Variants in TIAM2 observed in about 807,000 individuals in gnomAD.
TIAM2 encodes rho guanine nucleotide exchange factor TIAM2.
Under a neutral mutation model 152.9 loss-of-function variants are expected in TIAM2, and 80 were observed. The observed-to-expected ratio is 0.52, with a 90% CI of 0.44 to 0.63. The LOEUF (loss-of-function observed/expected upper bound fraction) is 0.63, where lower values mean the gene tolerates loss of function less well. Ranked by LOEUF, TIAM2 falls within the 30% of genes least tolerant of loss-of-function variation. The pLI, the probability that TIAM2 is intolerant of heterozygous loss-of-function variation, is 0.00. For missense variants in TIAM2, 1,965 were observed against 2,120.1 expected (o/e 0.93, Z 1.44); for synonymous variants, 804 against 838.0 (o/e 0.96, Z 0.70).
intron 9 of TIAM2, among the ~76,000 whole-genome samples, chr6:155,172,961 G>A (rs767619667): frequency 6.6e-5 from 10 of 151,820 alleles, no homozygotes; most frequent in Non-Finnish European, 8.8e-5. Flanking sequence ...TAAAGCATGT[G>A]TATTTTCAAC....
At chr6:155,008,985 T>C (rs912331797) in intron 1 of TIAM2, among the ~76,000 whole-genome samples, 1 of 152,070 alleles carries the variant, frequency 6.6e-6, no homozygotes, top group African/African-American at 2.4e-5. Flanking sequence ...ACATTAGGTA[T>C]TGTTCCAGAA....
At chr6:155,205,463 G>A (rs1285501058) in intron 14 of TIAM2, among the ~76,000 whole-genome samples, 1 of 152,128 alleles carries the variant, frequency 6.6e-6, no homozygotes, top group Non-Finnish European at 1.5e-5. Flanking sequence ...GGAAAGGCAG[G>A]GGAACTCTTC....
intron 13 of TIAM2, 151 bp downstream of exon 13, chr6:155,182,469 C>T (rs1414901300): frequency 1.8e-5 from 12 of 681,992 alleles, no homozygotes; most frequent in African/African-American, 1.5e-4. Context: ...ATTGGAAATG[C>T]GACCAAACAC....
At position 155,056,167 on chromosome 6, in the gene TIAM2, C is replaced by CTTTT. The variant is rs763205169; in HGVS notation, c.-208-34103_-208-34100dup. On this transcript the variant is annotated intron_variant, in intron 1 of 26. Transcript: ENST00000682666. ...TCTAATGGATCTCCTTATTGTTCTT[C>CTTTT]TTTTTTTTTTTTTTTTTTTTTTGAG... Among the ~76,000 whole-genome samples, 869 of 98,636 alleles carry CTTTT rather than the reference C, an allele frequency of 8.8e-3. 7 individuals are homozygous for CTTTT. Among genetic ancestry groups the CTTTT allele is most frequent in the African/African-American group, 0.028 (614 of 21,828 alleles). The allele number at this position is 98,636 out of a possible 152,430, so 64.7% of individuals were successfully genotyped here.
At chr6:155,124,860 C>CTT (rs752886695) in intron 2 of TIAM2, among the ~76,000 whole-genome samples, 52 of 141,478 alleles carry the variant, frequency 3.7e-4, no homozygotes, top group South Asian at 1.1e-3. Context: ...ATCTATTTGA[C>CTT]TTTTTTTTTT....
At chr6:155,160,556 C>T (rs188532892) in intron 7 of TIAM2, among the ~76,000 whole-genome samples, 174 of 152,246 alleles carry the variant, frequency 1.1e-3, no homozygotes, top group Non-Finnish European at 9.0e-4. Flanking sequence ...GCTTTGAACT[C>T]AGGAGTTTGA....
In TIAM2 at chr6:155,134,268, T is replaced by C. The variant is rs1276316037; in HGVS notation, c.1195-2909T>C. Among the ~76,000 whole-genome samples, 12 of 152,188 alleles carry C rather than the reference T, an allele frequency of 7.9e-5. No individual in the cohort carries two copies. The East Asian group carries it at 2.1e-3, about 27-fold the overall frequency. On this transcript the variant is annotated intron_variant, in intron 4 of 26. Transcript: ENST00000682666. ...ATTCTATATTTTTTAAAGGCTCTTTTTTATTAGCCTGAAAATTAGTGACTG... is the reference window on the plus strand; with the variant it reads ...ATTCTATATTTTTTAAAGGCTCTTTCTTATTAGCCTGAAAATTAGTGACTG...
chr6:155,081,733 T>G (rs767837145), intron 1 of TIAM2, among the ~76,000 whole-genome samples: 1 of 152,202 alleles, frequency 6.6e-6, no homozygotes, highest in Non-Finnish European at 1.5e-5. Context: ...TTGAGGAATT[T>G]GTTTGGTGCT....
chr6:155,058,612 TCAAA>T (rs1409022981), intron 1 of TIAM2, among the ~76,000 whole-genome samples: 8 of 152,194 alleles, frequency 5.3e-5, no homozygotes, highest in Admixed American at 1.3e-4. Context: ...CATTAAATCC[TCAAA>T]CAACTCTTTA....
chr6:155,144,940 A>AC (rs751671730), intron 6 of TIAM2, among the ~76,000 whole-genome samples, 162 bp downstream of exon 6: 15 of 152,236 alleles, frequency 9.9e-5, no homozygotes, highest in Non-Finnish European at 8.8e-5. Flanking sequence ...TGCCAAGGGC[A>AC]CTGGGCCATC....
chr6:155,214,682 G>A lies in TIAM2; in HGVS notation c.3168+3375G>A, dbSNP rs929712403. Reference sequence around the variant, plus strand: ...CCTTCTACTTTGTTCTATCTCTAGTGGGTTATTTAATTTTGGGAACCCAAT... The same window carrying A: ...CCTTCTACTTTGTTCTATCTCTAGTAGGTTATTTAATTTTGGGAACCCAAT... On this transcript the variant is annotated intron_variant, in intron 15 of 26. Coordinates refer to ENST00000682666, the MANE Select transcript of TIAM2 (RefSeq NM_012454.4). This position sits in a 1 kb window ranked among gnomAD's most constrained non-coding sequence, Gnocchi z 5.4. 2.6e-5 allele frequency among the ~76,000 whole-genome samples: 4 copies of A among 152,102 alleles called. No homozygotes were observed. The highest frequency in any genetic ancestry group is 2.6e-4 in the Admixed American group (4 of 15,280).
intron 1 of TIAM2, among the ~76,000 whole-genome samples, chr6:155,080,825 A>G (rs960179611): frequency 6.6e-6 from 1 of 152,154 alleles, no homozygotes; most frequent in Admixed American, 6.5e-5. Flanking sequence ...GTAGCTTTGG[A>G]AATAATGCTT....
chr6:155,221,259 G>A (rs190034485), intron 15 of TIAM2, among the ~76,000 whole-genome samples: 177 of 152,214 alleles, frequency 1.2e-3, no homozygotes, highest in Non-Finnish European at 1.1e-3. Flanking sequence ...CTGCGCTGGG[G>A]TGGGCTGGAG....
At chr6:155,217,016 A>G in intron 15 of TIAM2, 1 of 1,282,124 alleles carries the variant, frequency 7.8e-7, no homozygotes, top group African/African-American at 1.5e-5. Flanking sequence ...ACATCTCCCA[A>G]CAGCCGACTT....
At chr6:155,002,001 A>G (rs1018568639) in intron 1 of TIAM2, among the ~76,000 whole-genome samples, 8 of 152,246 alleles carry the variant, frequency 5.3e-5, no homozygotes, top group African/African-American at 1.9e-4. Context: ...CAAAAAAATT[A>G]TATTGTTGTT....
chr6:155,032,407 G>A (rs192075856), intron 1 of TIAM2, among the ~76,000 whole-genome samples: 1 of 152,254 alleles, frequency 6.6e-6, no homozygotes, highest in Admixed American at 6.5e-5. Flanking sequence ...CTAAATCCCT[G>A]TCCACACAAG....
At chr6:155,227,912 A>G (rs1035848996) in intron 15 of TIAM2, among the ~76,000 whole-genome samples, 2 of 152,210 alleles carry the variant, frequency 1.3e-5, no homozygotes. Flanking sequence ...AATGGGCGCA[A>G]CCGAATTATT....
intron 2 of TIAM2, among the ~76,000 whole-genome samples, chr6:155,104,040 A>ACACCCCCCCCCCCCCCC (rs1562316893): frequency 1.7e-5 from 1 of 57,732 alleles, no homozygotes; most frequent in Non-Finnish European, 3.2e-5. Flanking sequence ...ACACACACAC[A>ACACCCCCCCCCCCCCCC]CCCCCCCCCC....
At chr6:155,139,389 C>T (rs1189444781) in intron 5 of TIAM2, among the ~76,000 whole-genome samples, 2 of 152,226 alleles carry the variant, frequency 1.3e-5, no homozygotes, top group Non-Finnish European at 1.5e-5. Flanking sequence ...ATTCCTCACA[C>T]GCTGCAGTCC....
Sources: gnomAD v4.1 joint callset for allele counts (sites outside exome capture counted in the v4.1 genomes callset) on GRCh38, gnomAD v4.1.1 for gene constraint, Gnocchi (gnomAD v3.1) non-coding constraint, MANE v1.5 for transcripts, NCBI Gene and HGNC (gene_info 2026-07-23, HGNC 2026-07-21) for gene names.